Variants in DYSF observed in about 807,000 individuals in gnomAD.
DYSF encodes dystrophy-associated fer-1-like 1.
In DYSF, 212 loss-of-function variants were observed where a neutral mutation model predicts 274.9. That is an observed-to-expected ratio of 0.77 (90% CI 0.69 to 0.86). DYSF has a LOEUF of 0.86. DYSF is among the 40% of genes least tolerant of loss of function. The pLI is 0.00. For synonymous variants in DYSF, 1,091 were observed against 1,078.7 expected (o/e 1.01, Z -0.22); for missense variants, 2,666 against 2,783.2 (o/e 0.96, Z 0.95).
intron 3 of DYSF, among the ~76,000 whole-genome samples, chr2:71,482,607 C>A (rs1301801155): frequency 3.3e-5 from 5 of 152,084 alleles, no homozygotes. Context: ...TGAATCCCTT[C>A]TCTTGCCATT....
intron 41 of DYSF, among the ~76,000 whole-genome samples, chr2:71,643,239 G>A (rs759368515): frequency 1.3e-5 from 2 of 152,206 alleles, no homozygotes; most frequent in African/African-American, 2.4e-5. Context: ...GGGAGGTCAG[G>A]ATTTGCCACA....
At chr2:71,531,861 AAAGT>A (rs1292833433) in intron 14 of DYSF, among the ~76,000 whole-genome samples, 5 of 152,246 alleles carry the variant, frequency 3.3e-5, no homozygotes, top group African/African-American at 1.2e-4. Context: ...TGTATATTAA[AAAGT>A]AAGGTGTCCT....
intron 17 of DYSF, among the ~76,000 whole-genome samples, chr2:71,544,468 T>TTG (rs1219696493): frequency 6.7e-6 from 1 of 150,208 alleles, no homozygotes; most frequent in Non-Finnish European, 1.5e-5. Context: ...TCTTTTTTTT[T>TTG]TTTTTTTTGA....
rs576956627 is a variant in DYSF at position 71,551,537 on chromosome 2, G to C, written c.1693-70G>C. 1.3e-5 allele frequency: 17 copies of C among 1,359,710 alleles called. No homozygotes were observed. In the South Asian group the frequency reaches 2.1e-4, roughly 17 times the overall value. 84.2% of individuals were successfully genotyped at this position (1,359,710 alleles called of 1,614,324 possible). On this transcript the variant is annotated intron_variant, in intron 18 of 55. Coordinates refer to ENST00000410020, the MANE Select transcript of DYSF (RefSeq NM_001130987.2). ...TGAGAGATGAGCTACCTCAGGGCCAGAGGGTGCCCCTTTCCTTCCCCTCCT... is the reference window on the plus strand; with the variant it reads ...TGAGAGATGAGCTACCTCAGGGCCACAGGGTGCCCCTTTCCTTCCCCTCCT...
At chr2:71,520,263 G>A (rs916043210) in intron 11 of DYSF, 55 bp downstream of exon 11, 53 of 1,593,358 alleles carry the variant, frequency 3.3e-5, no homozygotes, top group Admixed American at 5.0e-5. Context: ...GAGGCTGATT[G>A]GGGACACTCA....
At chr2:71,605,822 T>C (rs1038820266) in intron 36 of DYSF, among the ~76,000 whole-genome samples, 1 of 151,040 alleles carries the variant, frequency 6.6e-6, no homozygotes, top group Non-Finnish European at 1.5e-5. Flanking sequence ...CCATCCCCCA[T>C]TCCTCCCCCA....
At chr2:71,591,191 C>T (rs1466460544) in intron 32 of DYSF, among the ~76,000 whole-genome samples, 2 of 152,252 alleles carry the variant, frequency 1.3e-5, no homozygotes, top group East Asian at 1.9e-4. Flanking sequence ...CTGTCTAGAA[C>T]ACATTTGCTC....
At position 71,682,560 on chromosome 2, in the gene DYSF, C is replaced by T. The variant is rs577778070; in HGVS notation, c.6204C>T (p.Thr2068=). The T allele has an allele frequency of 1.9e-6, 3 of 1,614,128 alleles. No individual in the cohort carries two copies. The highest frequency in any genetic ancestry group is 2.7e-5 in the African/African-American group (2 of 75,020). The change falls in exon 55 of 56, where the codon ACC becomes ACT. Residue 2068 remains threonine (T), a synonymous_variant. Transcript: ENST00000410020. ...RRPDTSFLWF[T]SPYKTMKFIL... ...CCGACACCTCCTTCCTGTGGTTTACCTCCCCATACAAGACCATGAAGTTCA... is the reference window on the plus strand; with the variant it reads ...CCGACACCTCCTTCCTGTGGTTTACTTCCCCATACAAGACCATGAAGTTCA...
chr2:71,536,170 A>T (rs932884319), intron 16 of DYSF, among the ~76,000 whole-genome samples: 1 of 152,202 alleles, frequency 6.6e-6, no homozygotes, highest in Non-Finnish European at 1.5e-5. Context: ...GGGCTTCCCA[A>T]AAAGAGAGAG....
rs1553389065 is a variant in DYSF at position 71,620,556 on chromosome 2, G to GGTCT, written c.4478_4481dup (p.Ser1495ValfsTer7). On this transcript the variant is annotated frameshift_variant, in exon 41 of 56. Coordinates refer to ENST00000410020, the MANE Select transcript of DYSF (RefSeq NM_001130987.2). LOFTEE classifies it high-confidence loss of function. Reference sequence around the variant, plus strand: ...CATGTTTCATTTGTAGCTTGCAGACGGTCTGTCGAGCTTGGCCCCCACTAA... The same window carrying GGTCT: ...CATGTTTCATTTGTAGCTTGCAGACGGTCTGTCTGTCGAGCTTGGCCCCCACTAA... 6.4e-7 allele frequency: 1 copy of GGTCT among 1,551,680 alleles called. No individual in the cohort carries two copies. The highest frequency in any genetic ancestry group is 8.7e-7 in the Non-Finnish European group (1 of 1,146,998).
chr2:71,670,099 A>G (rs1485125159), intron 51 of DYSF, among the ~76,000 whole-genome samples: 1 of 151,940 alleles, frequency 6.6e-6, no homozygotes, highest in African/African-American at 2.4e-5. Flanking sequence ...CCCTGCTGTC[A>G]TTACCCCCAA....
Position 71,590,256 on chromosome 2 carries a change from AC to A in DYSF, c.3544del (p.Leu1182TrpfsTer28). 3 of 1,614,050 alleles carry A rather than the reference AC, an allele frequency of 1.9e-6. No individual in the cohort carries two copies. Among genetic ancestry groups the A allele is most frequent in the Non-Finnish European group, 2.5e-6 (3 of 1,179,984 alleles). On this transcript the variant is annotated frameshift_variant, in exon 32 of 56. Transcript: ENST00000410020. LOFTEE classifies it high-confidence loss of function. The stretch of plus-strand genomic sequence containing the variant: ...CGCTGCTACATGTACCAGGCCCGGG[AC>A]CTGGCTGCGATGGACAAGGACTCTT... ...HLRCYMYQAR[D>X]LAAMDKDSFS...
intron 40 of DYSF, among the ~76,000 whole-genome samples, chr2:71,618,573 TGG>T (rs2093997746): frequency 1.1e-5 from 1 of 91,678 alleles, no homozygotes; most frequent in African/African-American, 3.5e-5. Context: ...TGTGTTTGTG[TGG>T]GGTAGAGTTG....
chr2:71,628,928 G>T (rs1293533947), intron 41 of DYSF, among the ~76,000 whole-genome samples: 1 of 151,722 alleles, frequency 6.6e-6, no homozygotes, highest in African/African-American at 2.4e-5. Context: ...CTCTAGCCTG[G>T]CCCACAGAGT....
At chr2:71,498,563 G>A (rs1228301240) in intron 3 of DYSF, among the ~76,000 whole-genome samples, 2 of 152,202 alleles carry the variant, frequency 1.3e-5, no homozygotes, top group African/African-American at 2.4e-5. Flanking sequence ...GGGGAGGCTC[G>A]GAATCCCGTG....
intron 3 of DYSF, among the ~76,000 whole-genome samples, chr2:71,498,026 C>A (rs1189226842): frequency 6.6e-6 from 1 of 152,080 alleles, no homozygotes; most frequent in Non-Finnish European, 1.5e-5. Context: ...TTGGGGAGAT[C>A]CTTTAGACCC....
At chr2:71,511,650 A>C (rs993015865) in intron 4 of DYSF, among the ~76,000 whole-genome samples, 157 bp from the exon 5 acceptor site, 1 of 152,194 alleles carries the variant, frequency 6.6e-6, no homozygotes, top group African/African-American at 2.4e-5. Context: ...CTATGCTGAT[A>C]GGTCCCTTGG....
intron 4 of DYSF, among the ~76,000 whole-genome samples, chr2:71,506,000 G>A (rs1174832934): frequency 6.6e-6 from 1 of 152,200 alleles, no homozygotes; most frequent in African/African-American, 2.4e-5. Flanking sequence ...AACCAACCCT[G>A]TATCAGCTCA....
chr2:71,601,419 C>A, intron 34 of DYSF, 80 bp from the exon 35 acceptor site: 1 of 1,559,048 alleles, frequency 6.4e-7, no homozygotes, highest in Non-Finnish European at 8.9e-7. Flanking sequence ...TGATCACTGA[C>A]ATAGTCCATG....
Sources: allele counts gnomAD v4.1 joint callset (sites outside exome capture counted in the v4.1 genomes callset), GRCh38; gene constraint gnomAD v4.1.1; transcripts MANE v1.5; gene names NCBI Gene and HGNC (gene_info 2026-07-23, HGNC 2026-07-21).